PCDHA3: variants seen among roughly 807,000 people sequenced by gnomAD.
The protein encoded by PCDHA3 is protocadherin alpha-3.
PCDHA3 carries 41 observed loss-of-function variants against 62.2 expected under a neutral mutation model. That is an observed-to-expected ratio of 0.66 (90% CI 0.51 to 0.86). The LOEUF is 0.86. Ranked by LOEUF, PCDHA3 falls within the 40% of genes least tolerant of loss-of-function variation. The probability of loss-of-function intolerance (pLI) is 0.00; values close to 1 mark genes in which losing one functional copy is unlikely to be tolerated. For missense variants in PCDHA3, 1,304 were observed against 1,241.2 expected (o/e 1.05, Z -0.76); for synonymous variants, 640 against 555.4 (o/e 1.15, Z -2.14).
chr5:140,840,040 A>T (rs1247550432), intron 1 of PCDHA3, among the ~76,000 whole-genome samples: 1 of 152,076 alleles, frequency 6.6e-6, no homozygotes, highest in Admixed American at 6.6e-5. Context: ...TATCTCCCAG[A>T]TGGAAGTCTA....
chr5:140,934,239 T>C (rs2089722399), intron 1 of PCDHA3, among the ~76,000 whole-genome samples: 1 of 152,146 alleles, frequency 6.6e-6, no homozygotes, highest in Non-Finnish European at 1.5e-5. Context: ...TACTTAATTG[T>C]GGAGATTTAT....
At chr5:140,885,677 T>C (rs1554182236) in intron 1 of PCDHA3, among the ~76,000 whole-genome samples, 1 of 152,208 alleles carries the variant, frequency 6.6e-6, no homozygotes, top group African/African-American at 2.4e-5. Context: ...ACTCTTTCTA[T>C]CTCAAGAAGC....
chr5:140,829,116 A>T, intron 1 of PCDHA3: 5 of 1,612,284 alleles, frequency 3.1e-6, no homozygotes, highest in Non-Finnish European at 4.2e-6. Context: ...AGAATTTTGG[A>T]TAAAAATGAT....
At chr5:140,869,117 A>G in intron 1 of PCDHA3, 2 of 1,605,428 alleles carry the variant, frequency 1.2e-6, no homozygotes, top group Non-Finnish European at 1.7e-6. Context: ...TTTGGTTTTC[A>G]GAGAAGGGGA....
chr5:140,952,913 A>G (rs1013502361), intron 1 of PCDHA3, among the ~76,000 whole-genome samples: 6 of 152,092 alleles, frequency 3.9e-5, no homozygotes, highest in African/African-American at 1.4e-4. Flanking sequence ...CTCATCTTAC[A>G]TGGCATGAGC....
chr5:140,850,168 A>C, intron 1 of PCDHA3: 1 of 1,594,824 alleles, frequency 6.3e-7, no homozygotes, highest in Non-Finnish European at 8.6e-7. Flanking sequence ...GTGCTGGACG[A>C]GAACGACAAT....
chr5:140,920,716 C>T (rs1456008356), intron 1 of PCDHA3, among the ~76,000 whole-genome samples: 3 of 151,916 alleles, frequency 2.0e-5, no homozygotes, highest in South Asian at 2.1e-4. Flanking sequence ...TGGTGGTGTG[C>T]GCCTGCAGTC....
intron 1 of PCDHA3, among the ~76,000 whole-genome samples, chr5:140,902,516 G>C (rs1410717975): frequency 6.6e-6 from 1 of 151,990 alleles, no homozygotes; most frequent in Non-Finnish European, 1.5e-5. Context: ...GTCATATATG[G>C]TTTTTATTAT....
rs550922282 is a variant in PCDHA3, at chr5:140,927,864, T to C, written c.2395-51085T>C. On this transcript the variant is annotated intron_variant, in intron 1 of 3. Transcript: ENST00000522353. The stretch of plus-strand genomic sequence containing the variant: ...GTGTCTTTGGTTTAGCTAGCACCGC[T>C]AAACTGCTGGTGGAGGTGACTGACG... The C allele has an allele frequency of 6.8e-6, 11 of 1,614,200 alleles. No homozygotes were observed. In the South Asian group the frequency reaches 1.2e-4, roughly 18 times the overall value.
Position 140,807,749 on chromosome 5 carries a change from C to T in PCDHA3, c.2394+4158C>T, listed in dbSNP as rs782346248. 7 of 1,614,138 alleles carry T rather than the reference C, an allele frequency of 4.3e-6. No homozygotes were observed. In the Admixed American group the frequency reaches 1.2e-4, roughly 27 times the overall value. Reference sequence around the variant, plus strand: ...TCTGGAAAAACCACCTGATGACGAGCTGGTAAAAGGTCTTGGGCTTATATT... The same window carrying T: ...TCTGGAAAAACCACCTGATGACGAGTTGGTAAAAGGTCTTGGGCTTATATT... On this transcript the variant is annotated intron_variant, in intron 1 of 3. Transcript: ENST00000522353.
At chr5:140,841,739 CTGTT>C (rs1562391277) in intron 1 of PCDHA3, 12 of 1,613,762 alleles carry the variant, frequency 7.4e-6, no homozygotes, top group Middle Eastern at 3.3e-4. Context: ...AGACCAAAAG[CTGTT>C]TGTTTCAGAA....
At chr5:140,916,821 CT>C (rs1452400361) in intron 1 of PCDHA3, among the ~76,000 whole-genome samples, 3 of 152,170 alleles carry the variant, frequency 2.0e-5, no homozygotes, top group Non-Finnish European at 2.9e-5. Flanking sequence ...TGTGCCACCC[CT>C]ATCCCTCTGG....
chr5:140,875,335 C>A, intron 1 of PCDHA3: 2 of 1,438,768 alleles, frequency 1.4e-6, no homozygotes, highest in East Asian at 2.5e-5. Context: ...GGAATAGGAT[C>A]GACTCCATAA....
At chr5:140,981,041 A>C (rs72802989) in intron 2 of PCDHA3, among the ~76,000 whole-genome samples, 7,382 of 152,278 alleles carry the variant, frequency 0.048, 205 homozygotes, top group Non-Finnish European at 0.065. Context: ...GGGAAAAAAA[A>C]CAGATAATTC....
intron 1 of PCDHA3, among the ~76,000 whole-genome samples, chr5:140,895,123 T>C (rs1583185390): frequency 6.6e-6 from 1 of 152,300 alleles, no homozygotes; most frequent in East Asian, 1.9e-4. Flanking sequence ...CATTTGTTAG[T>C]TGACAAGTTC....
At position 141,003,197 on chromosome 5, in the gene PCDHA3, C is replaced by T. The variant is rs77453404; in HGVS notation, c.2543-6430C>T. 6.7e-3 allele frequency among the ~76,000 whole-genome samples: 1,024 copies of T among 152,320 alleles called. 13 individuals are homozygous for T. Among genetic ancestry groups the T allele is most frequent in the African/African-American group, 0.024 (986 of 41,560 alleles). On this transcript the variant is annotated intron_variant, in intron 3 of 3. Transcript: ENST00000522353. ...GGCTCAACTCCATCAACTCAGGCAGCCAGGGTTAGTTTAGCATGAAAGAGG... is the reference window on the plus strand; with the variant it reads ...GGCTCAACTCCATCAACTCAGGCAGTCAGGGTTAGTTTAGCATGAAAGAGG...
In PCDHA3 at chr5:140,922,291, T is replaced by A. The variant is rs951080588; in HGVS notation, c.2395-56658T>A. ...AGATTGGACCAAGATATGAAAATGC[T>A]AGGAGAGGATACCTTTCACTGAAGA... On this transcript the variant is annotated intron_variant, in intron 1 of 3. Coordinates refer to ENST00000522353, the MANE Select transcript of PCDHA3 (RefSeq NM_018906.3). Among the ~76,000 whole-genome samples, 38 of 152,228 alleles carry A rather than the reference T, an allele frequency of 2.5e-4. 1 individual carries two copies. The highest frequency in any genetic ancestry group is 1.5e-5 in the Non-Finnish European group (1 of 68,048).
At chr5:140,867,314 G>A (rs2049881742) in intron 1 of PCDHA3, 1 of 151,958 alleles carries the variant, frequency 6.6e-6, no homozygotes, top group Admixed American at 6.6e-5. Flanking sequence ...ACTGTCATCT[G>A]GTCTAATGTT....
At chr5:140,969,493 C>T (rs1240479958) in intron 1 of PCDHA3, 5 of 1,445,166 alleles carry the variant, frequency 3.5e-6, no homozygotes, top group Non-Finnish European at 4.6e-6. Flanking sequence ...GCTATTTCCT[C>T]TCTAGAAAAA....
Sources: allele counts gnomAD v4.1 joint callset (sites outside exome capture counted in the v4.1 genomes callset), GRCh38; gene constraint gnomAD v4.1.1; transcripts MANE v1.5; gene names NCBI Gene and HGNC (gene_info 2026-07-23, HGNC 2026-07-21).